Variants in SAFB2 observed in about 807,000 individuals in gnomAD.
SAFB2 encodes the protein scaffold attachment factor B2.
Under a neutral mutation model 100.6 loss-of-function variants are expected in SAFB2, and 32 were observed. That is an observed-to-expected ratio of 0.32 (90% CI 0.24 to 0.43). The LOEUF (loss-of-function observed/expected upper bound fraction) is 0.43, where lower values mean the gene tolerates loss of function less well. SAFB2 is among the 20% of genes least tolerant of loss of function. SAFB2 has a pLI of 1.00. For synonymous variants in SAFB2, 500 were observed against 439.4 expected (o/e 1.14, Z -1.72); for missense variants, 1,185 against 1,163.4 (o/e 1.02, Z -0.27).
intron 13 of SAFB2, chr19:5,598,580 G>A: frequency 3.5e-6 from 2 of 575,282 alleles, no homozygotes; most frequent in Admixed American, 2.9e-5. Flanking sequence ...CCGGTCAGGA[G>A]CCAGTAAGGG....
At chr19:5,622,446 C>T (rs1056699809) in intron 1 of SAFB2, 84 bp downstream of exon 1, 1 of 1,371,462 alleles carries the variant, frequency 7.3e-7, no homozygotes, top group African/African-American at 1.5e-5. Context: ...CCAGGGCGCC[C>T]CGGGTCCGGG....
intron 2 of SAFB2, among the ~76,000 whole-genome samples, chr19:5,618,563 T>C (rs1397071388): frequency 6.6e-6 from 1 of 152,256 alleles, no homozygotes; most frequent in East Asian, 1.9e-4. Context: ...GAGAATTTGG[T>C]TGAGCTCCAA....
Position 5,587,473 on chromosome 19 carries a change from G to T in SAFB2, c.2706-74C>A. The T allele has an allele frequency of 6.5e-7, 1 of 1,528,752 alleles. No homozygotes were observed. Among genetic ancestry groups the T allele is most frequent in the Non-Finnish European group, 8.8e-7 (1 of 1,131,166 alleles). 94.7% of individuals were successfully genotyped at this position (1,528,752 alleles called of 1,614,324 possible). A position where few individuals can be genotyped will look rare whatever the true frequency, so the allele number is the denominator to read the frequency against. On this transcript the variant is annotated intron_variant, in intron 20 of 20. Transcript: ENST00000252542. This position sits in a 1 kb window ranked among gnomAD's most constrained non-coding sequence, Gnocchi z 4.9. ...TTCATCGTAACATGGGTTCAGTAAC[G>T]GTCCCGCAGCCTTTAGAGCGCTTGG...
At chr19:5,622,413 G>C in intron 1 of SAFB2, 117 bp downstream of exon 1, 1 of 1,089,632 alleles carries the variant, frequency 9.2e-7, no homozygotes, top group Non-Finnish European at 1.2e-6. Flanking sequence ...TCGAACCGGG[G>C]TCGGCCAAGA....
chr19:5,609,933 C>T (rs1047976298), intron 9 of SAFB2, 62 bp downstream of exon 9: 1 of 1,431,946 alleles, frequency 7.0e-7, no homozygotes, highest in Non-Finnish European at 9.7e-7. Flanking sequence ...CCACCGTGCC[C>T]AGCAGAGCTT....
intron 11 of SAFB2, among the ~76,000 whole-genome samples, chr19:5,602,605 C>G (rs957430265): frequency 6.6e-6 from 1 of 151,952 alleles, no homozygotes; most frequent in Admixed American, 6.6e-5. Flanking sequence ...AGGCAGGGCG[C>G]GCTCCCCTCT....
At chr19:5,594,241 G>A in intron 14 of SAFB2, 63 bp from the exon 15 acceptor site, 2 of 1,473,542 alleles carry the variant, frequency 1.4e-6, no homozygotes, top group East Asian at 2.4e-5. Flanking sequence ...AAAGCCCGGT[G>A]CCCAAAACTG....
At chr19:5,600,314 C>T (rs2052628696) in intron 11 of SAFB2, 54 bp from the exon 12 acceptor site, 30 of 1,595,522 alleles carry the variant, frequency 1.9e-5, no homozygotes, top group Middle Eastern at 1.7e-4. Context: ...GTAACAGGAA[C>T]GGCTCACCCA....
intron 4 of SAFB2, 59 bp downstream of exon 4, chr19:5,616,073 G>A (rs764839747): frequency 2.7e-6 from 4 of 1,509,170 alleles, no homozygotes; most frequent in African/African-American, 1.4e-5. Flanking sequence ...CGAGCAGCAC[G>A]CGAGCACCAG....
At chr19:5,602,212 T>A (rs1174270782) in intron 11 of SAFB2, among the ~76,000 whole-genome samples, 2 of 152,062 alleles carry the variant, frequency 1.3e-5, no homozygotes, top group African/African-American at 4.8e-5. Flanking sequence ...GCGCGATGGC[T>A]CACACCTGTA....
intron 18 of SAFB2, among the ~76,000 whole-genome samples, chr19:5,589,873 T>A (rs1599222684): frequency 6.6e-6 from 1 of 151,708 alleles, no homozygotes; most frequent in East Asian, 1.9e-4. Flanking sequence ...CAACTGGGGG[T>A]CAGAGAAAAA....
In SAFB2 at chr19:5,616,479, C is replaced by T; in HGVS notation, c.282G>A (p.Lys94=). ...KSAKRCVKGL[K]MEEEGTEDNG... ...TATCTTCTGTGCCTTCCTCCTCCAT[C>T]TTCAGTCCTAATTACAGAATAATTG... is the stretch of plus-strand genomic sequence containing the variant. Residue 94 remains lysine (K), a synonymous_variant, in exon 3 of 21, where the codon AAG becomes AAA. Transcript: ENST00000252542. The T allele has an allele frequency of 1.9e-6, 3 of 1,613,778 alleles. No homozygotes were observed. Among genetic ancestry groups the T allele is most frequent in the Non-Finnish European group, 2.5e-6 (3 of 1,179,772 alleles).
At position 5,587,845 on chromosome 19, in the gene SAFB2, C is replaced by T. The variant is rs746807785; in HGVS notation, c.2638+23G>A. On this transcript the variant is annotated intron_variant, in intron 19 of 20. Transcript: ENST00000252542. This position sits in a 1 kb window ranked among gnomAD's most constrained non-coding sequence, Gnocchi z 4.9. ...CACATGTGGGGGCCACAGCCACCCT[C>T]GTCCCTGGAGCCAGCCCCGTACCTT... The T allele has an allele frequency of 1.6e-5, 25 of 1,595,538 alleles. No homozygotes were observed. The highest frequency in any genetic ancestry group is 2.3e-5 in the South Asian group (2 of 88,734).
chr19:5,621,128 C>A (rs2053131156), intron 2 of SAFB2, among the ~76,000 whole-genome samples, 181 bp downstream of exon 2: 1 of 152,186 alleles, frequency 6.6e-6, no homozygotes, highest in East Asian at 1.9e-4. Flanking sequence ...ACATCTCTTT[C>A]CTCCTCCCTG....
At chr19:5,622,263 C>CG (rs1192348362) in intron 1 of SAFB2, among the ~76,000 whole-genome samples, 3 of 152,192 alleles carry the variant, frequency 2.0e-5, no homozygotes, top group African/African-American at 7.2e-5. Context: ...GGAGGGGTCC[C>CG]GGGGCCACCC....
chr19:5,594,215 G>C, intron 14 of SAFB2, 37 bp from the exon 15 acceptor site: 1 of 1,525,982 alleles, frequency 6.6e-7, no homozygotes, highest in Non-Finnish European at 8.7e-7. Flanking sequence ...AACTCCCTGC[G>C]TGAGCCTCCA....
chr19:5,612,107 T>C (rs1390037683), intron 6 of SAFB2: 3 of 318,658 alleles, frequency 9.4e-6, no homozygotes, highest in African/African-American at 6.5e-5. Context: ...TTGAAAATTT[T>C]CACGGAGAAA....
chr19:5,622,451 T>C (rs182734366), intron 1 of SAFB2, 79 bp downstream of exon 1: 16,618 of 1,385,092 alleles, frequency 0.012, 144 homozygotes, highest in East Asian at 0.026. Context: ...GCGCCCCGGG[T>C]CCGGGAGCCG....
At position 5,610,638 on chromosome 19, in the gene SAFB2, C is replaced by A. The variant is rs777169971; in HGVS notation, c.1195+1G>T. The A allele has an allele frequency of 1.9e-6, 3 of 1,566,900 alleles. No homozygotes were observed. Among genetic ancestry groups the A allele is most frequent in the Non-Finnish European group, 2.6e-6 (3 of 1,143,874 alleles). On this transcript the variant is annotated splice_donor_variant, in intron 8 of 20. Transcript: ENST00000252542. LOFTEE classifies it high-confidence loss of function. ...CCCTACCACGTTAAATTAAATCATA[C>A]CTTTTTCATCTTTAATGATTGGCTT...
Sources: gnomAD v4.1 joint callset for allele counts (sites outside exome capture counted in the v4.1 genomes callset) on GRCh38, gnomAD v4.1.1 for gene constraint, Gnocchi (gnomAD v3.1) non-coding constraint, MANE v1.5 for transcripts, NCBI Gene and HGNC (gene_info 2026-07-23, HGNC 2026-07-21) for gene names.